The following FER variants were observed in gnomAD, a reference collection of about 807,000 sequenced individuals.
FER encodes the protein tyrosine-protein kinase Fer.
A neutral mutation model predicts 111.0 loss-of-function variants in FER; 63 were observed. The observed-to-expected ratio is 0.57, with a 90% CI of 0.46 to 0.70. The LOEUF (loss-of-function observed/expected upper bound fraction) is 0.70. Among genes scored for constraint, FER ranks in the 30% least tolerant of loss-of-function variants. The probability of loss-of-function intolerance (pLI) is 0.00; values close to 1 mark genes in which losing one functional copy is unlikely to be tolerated. For synonymous variants in FER, 327 were observed against 313.9 expected (o/e 1.04, Z -0.44); for missense variants, 914 against 954.0 (o/e 0.96, Z 0.55).
At chr5:108,832,695 G>C in intron 3 of FER, 75 bp from the exon 4 acceptor site, 1 of 1,082,548 alleles carries the variant, frequency 9.2e-7, no homozygotes, top group Non-Finnish European at 1.2e-6. Context: ...AATATTTAAA[G>C]TTTTGAACTC....
intron 17 of FER, among the ~76,000 whole-genome samples, chr5:109,110,494 A>G (rs148010716): frequency 1.3e-5 from 2 of 152,218 alleles, no homozygotes; most frequent in East Asian, 3.9e-4. Context: ...AAGGTCAGAA[A>G]ATTAGGTGAG....
chr5:108,777,352 AC>A (rs1156576234), intron 2 of FER, among the ~76,000 whole-genome samples: 1 of 152,226 alleles, frequency 6.6e-6, no homozygotes, highest in Non-Finnish European at 1.5e-5. Flanking sequence ...ACTTCCACCC[AC>A]TACATATCCT....
At chr5:109,126,864 G>A (rs546634372) in intron 17 of FER, among the ~76,000 whole-genome samples, 2 of 152,278 alleles carry the variant, frequency 1.3e-5, no homozygotes, top group Admixed American at 6.5e-5. Context: ...GGAAGTATAG[G>A]AAGTCAGGAA....
chr5:108,826,264 G>T (rs2150117712), intron 3 of FER, among the ~76,000 whole-genome samples: 1 of 152,278 alleles, frequency 6.6e-6, no homozygotes, highest in South Asian at 2.1e-4. Flanking sequence ...AACCATGCTT[G>T]CATCCCAGGG....
intron 17 of FER, among the ~76,000 whole-genome samples, chr5:109,174,472 A>G (rs1298815359): frequency 1.3e-5 from 2 of 152,022 alleles, no homozygotes; most frequent in African/African-American, 4.8e-5. Flanking sequence ...TCTATTGCCA[A>G]AGACACCCCA....
intron 16 of FER, among the ~76,000 whole-genome samples, chr5:109,074,095 G>A (rs1411908877): frequency 6.6e-6 from 1 of 152,116 alleles, no homozygotes; most frequent in African/African-American, 2.4e-5. Context: ...ATAAAAAGCT[G>A]GCAGGGCAAA....
chr5:108,859,980 C>T (rs1396943299), intron 5 of FER, among the ~76,000 whole-genome samples: 3 of 146,182 alleles, frequency 2.1e-5, no homozygotes, highest in South Asian at 2.2e-4. Context: ...CTCTCTCTGT[C>T]GCCCAGGCTG....
chr5:109,073,840 C>T (rs1335439879), intron 16 of FER, among the ~76,000 whole-genome samples: 1 of 151,906 alleles, frequency 6.6e-6, no homozygotes, highest in South Asian at 2.1e-4. Context: ...CAAGGGTCAA[C>T]TATATTACAC....
chr5:109,126,029 A>G (rs774269300), intron 17 of FER, among the ~76,000 whole-genome samples: 2 of 151,838 alleles, frequency 1.3e-5, no homozygotes, highest in Non-Finnish European at 2.9e-5. Flanking sequence ...CTTTTCTGAT[A>G]CAGCCAGTAA....
At chr5:108,985,199 T>C (rs972824978) in intron 13 of FER, among the ~76,000 whole-genome samples, 5 of 152,132 alleles carry the variant, frequency 3.3e-5, no homozygotes, top group African/African-American at 1.2e-4. Flanking sequence ...TAAAAATAAA[T>C]GTAAAGTATG....
chr5:109,098,473 AAGTT>A lies in FER; in HGVS notation c.1925-1919_1925-1916del, dbSNP rs534661594. Among the ~76,000 whole-genome samples the A allele has an allele frequency of 3.1e-3, 477 of 151,906 alleles. 3 individuals are homozygous for A. The highest frequency in any genetic ancestry group is 6.2e-3 in the Admixed American group (95 of 15,222). On this transcript the variant is annotated intron_variant, in intron 16 of 19. Transcript: ENST00000281092. ...TTGCAGAAAAGATCATTTCATTTAA[AAGTT>A]AGTCTGTAGCTCAGACAGAATACTA...
At chr5:109,119,186 C>G (rs142167720) in intron 17 of FER, among the ~76,000 whole-genome samples, 15,970 of 152,102 alleles carry the variant, frequency 0.1, 847 homozygotes, top group Non-Finnish European at 0.12. Flanking sequence ...TTGAATGTGT[C>G]TCAGAGATTC....
chr5:108,998,289 G>C (rs1005353168), intron 13 of FER, among the ~76,000 whole-genome samples: 2 of 152,066 alleles, frequency 1.3e-5, no homozygotes, highest in African/African-American at 4.8e-5. Context: ...AGCCACCTGA[G>C]GGAATCTCCT....
intron 16 of FER, among the ~76,000 whole-genome samples, chr5:109,053,754 G>C (rs1178676989): frequency 2.7e-5 from 4 of 145,694 alleles, no homozygotes; most frequent in Non-Finnish European, 4.5e-5. Context: ...GCAGTGGTGC[G>C]ATCTTGGCTC....
At chr5:109,046,894 A>G (rs987324639) in intron 15 of FER, among the ~76,000 whole-genome samples, 6 of 152,226 alleles carry the variant, frequency 3.9e-5, no homozygotes, top group South Asian at 2.1e-4. Context: ...TTCTGTATCC[A>G]CGGGGGTCCT....
intron 1 of FER, among the ~76,000 whole-genome samples, chr5:108,761,368 G>A (rs956970207): frequency 6.6e-6 from 1 of 152,138 alleles, no homozygotes; most frequent in African/African-American, 2.4e-5. Flanking sequence ...AAATTGTTGT[G>A]TCTCATGGAA....
rs553657630 is a variant in FER, at chr5:109,056,247, C to T, written c.1924+9049C>T. On this transcript the variant is annotated intron_variant, in intron 16 of 19. Transcript: ENST00000281092. ...ATATGCCCAAAGCAAATTTAATCAC[C>T]GCTTGTAAAGATATGTGCACTCCTA... is the stretch of plus-strand genomic sequence containing the variant. Among the ~76,000 whole-genome samples, 4 of 152,224 alleles carry T rather than the reference C, an allele frequency of 2.6e-5. No individual in the cohort carries two copies. The East Asian group carries it at 5.8e-4, about 22-fold the overall frequency.
At chr5:109,049,117 T>A (rs1772393303) in intron 16 of FER, among the ~76,000 whole-genome samples, 1 of 152,230 alleles carries the variant, frequency 6.6e-6, no homozygotes, top group East Asian at 1.9e-4. Context: ...GATCCGAGTT[T>A]CTGTGTATTT....
At chr5:109,096,285 AATAT>A (rs1337943939) in intron 16 of FER, among the ~76,000 whole-genome samples, 1 of 151,982 alleles carries the variant, frequency 6.6e-6, no homozygotes, top group Non-Finnish European at 1.5e-5. Context: ...TCAGATATTT[AATAT>A]ATATATTTAA....
Sources: gnomAD v4.1 joint callset for allele counts (sites outside exome capture counted in the v4.1 genomes callset) on GRCh38, gnomAD v4.1.1 for gene constraint, MANE v1.5 for transcripts, NCBI Gene and HGNC (gene_info 2026-07-23, HGNC 2026-07-21) for gene names.